CPQ: variants seen among roughly 807,000 people sequenced by gnomAD.
CPQ encodes carboxypeptidase Q, also known as Ser-Met dipeptidase.
Under a neutral mutation model 45.7 loss-of-function variants are expected in CPQ, and 37 were observed. The observed-to-expected ratio is 0.81, with a 90% CI of 0.62 to 1.07. CPQ has a LOEUF of 1.07. Among genes scored for constraint, CPQ ranks in the 50% least tolerant of loss-of-function variants. The pLI, the probability that CPQ is intolerant of heterozygous loss-of-function variation, is 0.00. For missense variants in CPQ, 537 were observed against 572.9 expected (o/e 0.94, Z 0.64); for synonymous variants, 186 against 205.8 (o/e 0.90, Z 0.82).
intron 6 of CPQ, among the ~76,000 whole-genome samples, chr8:97,049,731 T>A (rs1172245860): frequency 6.6e-6 from 1 of 152,190 alleles, no homozygotes; most frequent in Non-Finnish European, 1.5e-5. Context: ...ACTGACAATA[T>A]CATACAGTGC....
intron 3 of CPQ, among the ~76,000 whole-genome samples, chr8:96,873,629 CTA>C (rs1430698542): frequency 6.6e-5 from 10 of 151,778 alleles, no homozygotes; most frequent in Non-Finnish European, 1.2e-4. Flanking sequence ...AAAAAAAACT[CTA>C]TGGAAACAAA....
At chr8:96,965,665 G>A (rs908961202) in intron 4 of CPQ, among the ~76,000 whole-genome samples, 7 of 151,978 alleles carry the variant, frequency 4.6e-5, no homozygotes, top group Admixed American at 1.3e-4. Flanking sequence ...CACCGCACCC[G>A]GCCAAGCCAA....
At chr8:96,925,397 T>C (rs1258389218) in intron 4 of CPQ, among the ~76,000 whole-genome samples, 1 of 151,836 alleles carries the variant, frequency 6.6e-6, no homozygotes, top group African/African-American at 2.4e-5. Flanking sequence ...TTTTTTTTTT[T>C]TTTTGAGACA....
intron 3 of CPQ, among the ~76,000 whole-genome samples, chr8:96,837,084 A>C (rs1811540485): frequency 6.6e-6 from 1 of 152,192 alleles, no homozygotes. Flanking sequence ...TGGCTCATGC[A>C]GAAGGGTCAT....
Position 96,727,816 on chromosome 8 carries a change from T to C in CPQ, c.-34-57048T>C, listed in dbSNP as rs186524459. On this transcript the variant is annotated intron_variant, in intron 1 of 7. Coordinates refer to ENST00000220763, the MANE Select transcript of CPQ (RefSeq NM_016134.4). ...TGATGATGGGGGTAGCTTCTCCTTATGGGGTTGCTCCCAGGACTTCTGATT... is the reference window on the plus strand; with the variant it reads ...TGATGATGGGGGTAGCTTCTCCTTACGGGGTTGCTCCCAGGACTTCTGATT... Among the ~76,000 whole-genome samples the C allele has an allele frequency of 2.4e-3, 372 of 152,294 alleles. 2 individuals carry two copies. Among genetic ancestry groups the C allele is most frequent in the African/African-American group, 8.6e-3 (356 of 41,574 alleles).
chr8:96,771,736 A>G (rs1810545915), intron 1 of CPQ, among the ~76,000 whole-genome samples: 1 of 152,202 alleles, frequency 6.6e-6, no homozygotes, highest in African/African-American at 2.4e-5. Context: ...TAAAGAGGGA[A>G]CTATTATTCG....
chr8:97,032,150 A>C (rs1809918133), intron 6 of CPQ, among the ~76,000 whole-genome samples: 2 of 152,206 alleles, frequency 1.3e-5, no homozygotes, highest in Admixed American at 1.3e-4. Context: ...ATCTGTTCCA[A>C]ATAAGGTTAT....
chr8:96,898,987 G>A (rs551057204), intron 4 of CPQ, among the ~76,000 whole-genome samples: 2 of 152,016 alleles, frequency 1.3e-5, no homozygotes, highest in African/African-American at 2.4e-5. Flanking sequence ...TGGTGAGAAC[G>A]TCAAATGTGA....
At chr8:96,734,712 AAAATAAAATAAAATAAAATAAAAT>A (rs1412513891) in intron 1 of CPQ, among the ~76,000 whole-genome samples, 1 of 23,164 alleles carries the variant, frequency 4.3e-5, no homozygotes, top group African/African-American at 1.0e-4. Flanking sequence ...CTCCATCTCA[AAAATAAAATAAAATAAAATAAAAT>A]AAATAAAATA....
intron 7 of CPQ, among the ~76,000 whole-genome samples, chr8:97,123,236 T>TAAAATAAAATAAATA (rs1554591681): frequency 3.6e-5 from 4 of 112,546 alleles, no homozygotes; most frequent in Admixed American, 2.7e-4. Context: ...TAAAATAAAA[T>TAAAATAAAATAAATA]AAATAAAATA....
At chr8:97,062,356 C>T (rs58981906) in intron 6 of CPQ, among the ~76,000 whole-genome samples, 3,046 of 152,228 alleles carry the variant, frequency 0.02, 95 homozygotes, top group African/African-American at 0.069. Context: ...CTTGGTAGCC[C>T]AGTGTATCAG....
At chr8:96,761,608 G>T (rs2130792162) in intron 1 of CPQ, 1 of 152,326 alleles carries the variant, frequency 6.6e-6, no homozygotes, top group Non-Finnish European at 1.5e-5. Flanking sequence ...TGCAGTCACA[G>T]ATCTGGGTAC....
At chr8:96,999,578 T>C (rs1417659239) in intron 5 of CPQ, among the ~76,000 whole-genome samples, 7 of 152,140 alleles carry the variant, frequency 4.6e-5, no homozygotes, top group Admixed American at 4.6e-4. Context: ...TCTCGTTCTT[T>C]TTTATGGCTG....
At chr8:96,687,641 A>C (rs1408070834) in intron 1 of CPQ, among the ~76,000 whole-genome samples, 1 of 151,388 alleles carries the variant, frequency 6.6e-6, no homozygotes, top group Non-Finnish European at 1.5e-5. Flanking sequence ...TTGTTTATTA[A>C]TATTTCAGCT....
rs75822267 is a variant in CPQ at position 97,058,317 on chromosome 8, C to T, written c.1054-7692C>T. Among the ~76,000 whole-genome samples, 1,141 of 152,092 alleles carry T rather than the reference C, an allele frequency of 7.5e-3. 4 individuals are homozygous for T. Among genetic ancestry groups the T allele is most frequent in the African/African-American group, 0.025 (1,049 of 41,472 alleles). On this transcript the variant is annotated intron_variant, in intron 6 of 7. Transcript: ENST00000220763. Reference sequence around the variant, plus strand: ...TCTACTTATGGGTAGATGAACTTAGCGGTCCATTATAACCTTAGAAAGGGA... The same window carrying T: ...TCTACTTATGGGTAGATGAACTTAGTGGTCCATTATAACCTTAGAAAGGGA...
chr8:96,879,621 C>T (rs1812192667), intron 3 of CPQ, among the ~76,000 whole-genome samples, 177 bp from the exon 4 acceptor site: 1 of 152,134 alleles, frequency 6.6e-6, no homozygotes, highest in African/African-American at 2.4e-5. Context: ...TTATTCTTAA[C>T]AAAAAATAAA....
At chr8:96,980,017 G>A (rs1309780469) in intron 5 of CPQ, among the ~76,000 whole-genome samples, 2 of 152,216 alleles carry the variant, frequency 1.3e-5, no homozygotes, top group Middle Eastern at 3.4e-3. Context: ...CTAGGTAAGT[G>A]AGAGGCAGCA....
intron 3 of CPQ, among the ~76,000 whole-genome samples, chr8:96,871,799 G>A (rs968395211): frequency 3.3e-5 from 5 of 151,648 alleles, no homozygotes; most frequent in South Asian, 2.1e-4. Context: ...ACCCATTTAC[G>A]TGTCATAGAT....
chr8:96,908,747 G>GCGCGCGCGCACACACACACACA (rs149476038), intron 4 of CPQ, among the ~76,000 whole-genome samples: 10 of 141,016 alleles, frequency 7.1e-5, no homozygotes, highest in African/African-American at 2.3e-4. Flanking sequence ...ATACACATGC[G>GCGCGCGCGCACACACACACACA]CACACACACA....
Sources: allele counts gnomAD v4.1 joint callset (sites outside exome capture counted in the v4.1 genomes callset), GRCh38; gene constraint gnomAD v4.1.1; transcripts MANE v1.5; gene names NCBI Gene and HGNC (gene_info 2026-07-23, HGNC 2026-07-21).